The following ZNF106 variants were observed in gnomAD, a reference collection of about 807,000 sequenced individuals.
ZNF106 encodes the protein zinc finger protein 106.
A neutral mutation model predicts 195.1 loss-of-function variants in ZNF106; 67 were observed. That is an observed-to-expected ratio of 0.34 (90% confidence interval 0.28 to 0.42). The LOEUF is 0.42. Among genes scored for constraint, ZNF106 ranks in the 10% least tolerant of loss-of-function variants. The pLI is 1.00. For missense variants in ZNF106, 2,118 were observed against 2,304.5 expected, an observed-to-expected ratio of 0.92 and a Z score of 1.66; for synonymous variants, 784 against 818.6, an observed-to-expected ratio of 0.96 and a Z score of 0.72.
intron 1 of ZNF106, among the ~76,000 whole-genome samples, chr15:42,478,087 G>A (rs1268459827): frequency 9.0e-5 from 13 of 145,184 alleles, no homozygotes; most frequent in South Asian, 2.2e-4. Context: ...CTGAAACTAC[G>A]TCTCAAAAAA....
chr15:42,418,955 G>A (rs1243305730), intron 20 of ZNF106, among the ~76,000 whole-genome samples: 1 of 151,508 alleles, frequency 6.6e-6, no homozygotes, highest in Non-Finnish European at 1.5e-5. Flanking sequence ...GTGGCTCAGT[G>A]GGATTACACC....
At chr15:42,462,944 G>A (rs7171201) in intron 3 of ZNF106, among the ~76,000 whole-genome samples, 12,887 of 148,408 alleles carry the variant, frequency 0.087, 1,197 homozygotes, top group African/African-American at 0.22. Context: ...CACCACACCT[G>A]GCTTTTTTTT....
rs537841475 is a variant in ZNF106 at position 42,430,157 on chromosome 15, T to C, written c.4882-2023A>G. On this transcript the variant is annotated intron_variant, in intron 14 of 21. Coordinates refer to ENST00000564754, the MANE Select transcript of ZNF106 (RefSeq NM_001366845.3). ...GTTAAAAAATGGTTACAAAATCTTT[T>C]TCACTAGTGTACGGTCCTGCTATGC... Among the ~76,000 whole-genome samples the C allele has an allele frequency of 3.0e-4, 45 of 152,228 alleles. 1 individual carries two copies. The highest frequency in any genetic ancestry group is 5.6e-4 in the Non-Finnish European group (38 of 68,034).
At position 42,435,222 on chromosome 15, in the gene ZNF106, T is replaced by A. The variant is rs188363130; in HGVS notation, c.4881+162A>T. 2.0e-5 allele frequency among the ~76,000 whole-genome samples: 3 copies of A among 152,310 alleles called. No homozygotes were observed. In the East Asian group the frequency reaches 5.8e-4, roughly 29 times the overall value. On this transcript the variant is annotated intron_variant, in intron 14 of 21. Transcript: ENST00000564754. ...ACAGAAAATATGGTTTATGTGTAAG[T>A]CTCATATCTACCTAGGGCTACAACA...
At chr15:42,490,541 T>G (rs2057131507) in intron 1 of ZNF106, 1 of 152,100 alleles carries the variant, frequency 6.6e-6, no homozygotes, top group South Asian at 2.1e-4. Flanking sequence ...GTTGTTATTA[T>G]CAAGACGCAT....
chr15:42,441,218 C>A (rs2055525044), intron 10 of ZNF106, among the ~76,000 whole-genome samples: 1 of 148,532 alleles, frequency 6.7e-6, no homozygotes, highest in Non-Finnish European at 1.5e-5. Context: ...TGGCAGGCAT[C>A]TGTAGTCCTA....
At chr15:42,460,414 C>G (rs1300087418) in intron 3 of ZNF106, among the ~76,000 whole-genome samples, 1 of 152,134 alleles carries the variant, frequency 6.6e-6, no homozygotes, top group African/African-American at 2.4e-5. Context: ...ACCCTGCAAC[C>G]CCCAAAGCAC....
At chr15:42,460,294 A>G (rs1489240979) in intron 3 of ZNF106, among the ~76,000 whole-genome samples, 1 of 152,146 alleles carries the variant, frequency 6.6e-6, no homozygotes, top group East Asian at 1.9e-4. Context: ...CTCGCTCTTA[A>G]AAGACACAAC....
intron 1 of ZNF106, among the ~76,000 whole-genome samples, chr15:42,489,500 T>C (rs1189722819): frequency 6.6e-6 from 1 of 152,008 alleles, no homozygotes; most frequent in Non-Finnish European, 1.5e-5. Context: ...TTTAAAGTTC[T>C]CCTCGAAAAC....
intron 19 of ZNF106, among the ~76,000 whole-genome samples, 158 bp downstream of exon 19, chr15:42,421,759 T>A (rs1218251479): frequency 1.3e-5 from 2 of 152,220 alleles, no homozygotes; most frequent in African/African-American, 4.8e-5. Flanking sequence ...CAATGGAATA[T>A]TCAACACTGT....
chr15:42,489,334 T>C (rs2057088435), intron 1 of ZNF106, among the ~76,000 whole-genome samples: 1 of 151,886 alleles, frequency 6.6e-6, no homozygotes. Flanking sequence ...TGTGCCATCA[T>C]GCCCAGCTAA....
At chr15:42,438,898 T>C (rs568313823) in intron 11 of ZNF106, 135 bp downstream of exon 11, 1 of 1,071,336 alleles carries the variant, frequency 9.3e-7, no homozygotes, top group African/African-American at 1.6e-5. Flanking sequence ...GCTTTAATTT[T>C]TCCATATCCA....
At chr15:42,462,932 CCCA>C (rs1245607928) in intron 3 of ZNF106, among the ~76,000 whole-genome samples, 2 of 151,012 alleles carry the variant, frequency 1.3e-5, no homozygotes, top group African/African-American at 4.9e-5. Flanking sequence ...ACAGGTGCAA[CCCA>C]CCACACCTGG....
rs2054395512 is a variant in ZNF106 at position 42,414,963 on chromosome 15, T to C, written c.*2341A>G. The C allele has an allele frequency of 6.6e-6, 1 of 152,316 alleles. No individual in the cohort carries two copies. The highest frequency in any genetic ancestry group is 1.5e-5 in the Non-Finnish European group (1 of 68,138). The allele number at this position is 152,316 out of a possible 1,614,324, so 9.4% of individuals were successfully genotyped here. A position where few individuals can be genotyped will look rare whatever the true frequency, so the allele number is the denominator to read the frequency against. ...ATACAGAAACAGCACAAATATTTAA[T>C]ACACCTTTTGCAACAAGATCTTCTC... On this transcript the variant is annotated 3_prime_UTR_variant, in exon 22 of 22. Coordinates refer to ENST00000564754, the MANE Select transcript of ZNF106 (RefSeq NM_001366845.3).
chr15:42,444,802 T>C, intron 8 of ZNF106, 25 bp downstream of exon 8: 2 of 1,610,522 alleles, frequency 1.2e-6, no homozygotes, highest in Non-Finnish European at 1.7e-6. Flanking sequence ...GATCCATTTT[T>C]ATTAAATCCT....
At chr15:42,458,728 A>C (rs1191135197) in intron 3 of ZNF106, among the ~76,000 whole-genome samples, 2 of 151,710 alleles carry the variant, frequency 1.3e-5, no homozygotes, top group African/African-American at 4.8e-5. Flanking sequence ...AAGAAAAAAA[A>C]AAACAACACC....
intron 10 of ZNF106, among the ~76,000 whole-genome samples, chr15:42,440,999 ATAT>A (rs1468785948): frequency 1.6e-4 from 5 of 32,174 alleles, no homozygotes; most frequent in Non-Finnish European, 2.4e-4. Flanking sequence ...AAAAAAAAAA[ATAT>A]ATATATATAT....
intron 15 of ZNF106, 22 bp from the exon 16 acceptor site, chr15:42,425,047 C>T (rs1474173685): frequency 1.2e-6 from 2 of 1,603,768 alleles, no homozygotes; most frequent in African/African-American, 1.3e-5. Flanking sequence ...GCCAAGATTA[C>T]AGCTAAAACC....
chr15:42,439,123 T>C lies in ZNF106; in HGVS notation c.4454A>G (p.Gln1485Arg). 6.2e-7 allele frequency: 1 copy of C among 1,614,206 alleles called. No homozygotes were observed. The highest frequency in any genetic ancestry group is 8.5e-7 in the Non-Finnish European group (1 of 1,180,036). The change falls in exon 11 of 22, where the codon CAA becomes CGA. Residue 1485 changes from glutamine (Q) to arginine (R), a missense_variant. Coordinates refer to ENST00000564754, the MANE Select transcript of ZNF106 (RefSeq NM_001366845.3). ...AGAACGAGACGTTTCTAGTGGGTTT[T>C]GCTCTGTAGAGTTCCAAATATCCTT... ...SKKDIWNSTE[Q>R]NPLETSRSGC...
Sources: gnomAD v4.1 joint callset for allele counts (sites outside exome capture counted in the v4.1 genomes callset) on GRCh38, gnomAD v4.1.1 for gene constraint, MANE v1.5 for transcripts, NCBI Gene and HGNC (gene_info 2026-07-23, HGNC 2026-07-21) for gene names.